The following APP variants were observed in gnomAD, a reference collection of about 807,000 sequenced individuals.
APP encodes the protein amyloid-beta precursor protein.
A neutral mutation model predicts 101.4 loss-of-function variants in APP; 31 were observed. The observed-to-expected ratio is 0.31, with a 90% CI of 0.23 to 0.41. The LOEUF (loss-of-function observed/expected upper bound fraction) is 0.41. APP is among the 10% of genes least tolerant of loss of function. The pLI, the probability that APP is intolerant of heterozygous loss-of-function variation, is 1.00. For missense variants in APP, 839 were observed against 1,003.7 expected (o/e 0.84, Z 2.22); for synonymous variants, 366 against 364.4 (o/e 1.00, Z -0.05).
At chr21:26,128,452 C>T (rs2062727934) in intron 1 of APP, among the ~76,000 whole-genome samples, 1 of 152,144 alleles carries the variant, frequency 6.6e-6, no homozygotes, top group Non-Finnish European at 1.5e-5. Flanking sequence ...TGTTTCTACA[C>T]AGAACTTCTC....
intron 5 of APP, among the ~76,000 whole-genome samples, chr21:26,043,290 C>G (rs1473416166): frequency 1.3e-5 from 2 of 152,022 alleles, no homozygotes; most frequent in African/African-American, 4.8e-5. Context: ...GGCTGAAGTG[C>G]AGTGGTGCGA....
chr21:25,959,660 C>T (rs558354737), intron 11 of APP, among the ~76,000 whole-genome samples: 1 of 152,268 alleles, frequency 6.6e-6, no homozygotes, highest in Admixed American at 6.5e-5. Context: ...TATTCCTTAG[C>T]TAATGCATGA....
intron 17 of APP, among the ~76,000 whole-genome samples, chr21:25,889,662 A>G (rs1396599371): frequency 6.6e-6 from 1 of 152,156 alleles, no homozygotes. Flanking sequence ...CCAACATGGC[A>G]AAACCCTGTC....
chr21:26,014,235 C>T (rs1445825906), intron 6 of APP, among the ~76,000 whole-genome samples: 14 of 152,152 alleles, frequency 9.2e-5, no homozygotes. Flanking sequence ...TCACAGTTTA[C>T]CCCAAGCTTT....
chr21:25,912,172 G>A (rs2039109614), intron 13 of APP, among the ~76,000 whole-genome samples: 1 of 152,196 alleles, frequency 6.6e-6, no homozygotes, highest in South Asian at 2.1e-4. Flanking sequence ...ATGCAAAGTC[G>A]CAGCTCACAA....
chr21:25,955,173 A>T (rs964720290), intron 12 of APP, among the ~76,000 whole-genome samples: 1 of 152,062 alleles, frequency 6.6e-6, no homozygotes, highest in African/African-American at 2.4e-5. Context: ...AAAATGTAAA[A>T]TTTCACATTT....
chr21:26,062,826 G>A lies in APP; in HGVS notation c.356-9478C>T, dbSNP rs1361086027. ...CTCCCAGGCTGGAGTGCAATGGCAC[G>A]ATCACAGCTCACTGCAGCCTTGACT... On this transcript the variant is annotated intron_variant, in intron 3 of 17. Coordinates refer to ENST00000346798, the MANE Select transcript of APP (RefSeq NM_000484.4). 4.6e-5 allele frequency among the ~76,000 whole-genome samples: 7 copies of A among 151,812 alleles called. 1 individual carries two copies. Among genetic ancestry groups the A allele is most frequent in the South Asian group, 4.2e-4 (2 of 4,812 alleles).
chr21:26,028,196 A>G (rs79207205), intron 5 of APP, among the ~76,000 whole-genome samples: 1 of 123,686 alleles, frequency 8.1e-6, no homozygotes, highest in Non-Finnish European at 1.6e-5. Flanking sequence ...AAAAAAAGGA[A>G]TAAATAAATA....
At chr21:25,927,889 A>G (rs2039968280) in intron 13 of APP, among the ~76,000 whole-genome samples, 1 of 152,208 alleles carries the variant, frequency 6.6e-6, no homozygotes. Flanking sequence ...TCAGTAATCA[A>G]GATAAAGACC....
At chr21:26,069,489 C>T (rs528259042) in intron 3 of APP, among the ~76,000 whole-genome samples, 8 of 152,288 alleles carry the variant, frequency 5.3e-5, no homozygotes, top group Admixed American at 2.6e-4. Flanking sequence ...GTTCATTTCC[C>T]TGCCAGCCTG....
intron 3 of APP, among the ~76,000 whole-genome samples, chr21:26,071,678 G>GT (rs768238785): frequency 7.9e-5 from 12 of 152,164 alleles, no homozygotes; most frequent in Non-Finnish European, 1.5e-4. Context: ...CAGAACTGTG[G>GT]TTTTTTGAAG....
chr21:25,911,061 GAAC>G (rs2039046159), intron 14 of APP, among the ~76,000 whole-genome samples: 1 of 152,080 alleles, frequency 6.6e-6, no homozygotes, highest in African/African-American at 2.4e-5. Context: ...ATTCCAGAGG[GAAC>G]AATATACCTC....
chr21:26,021,232 G>A (rs1347980745), intron 6 of APP, among the ~76,000 whole-genome samples: 1 of 152,046 alleles, frequency 6.6e-6, no homozygotes, highest in African/African-American at 2.4e-5. Context: ...ATTTTTAGTA[G>A]AGATGGGTTT....
At chr21:25,967,384 A>G (rs939655871) in intron 11 of APP, among the ~76,000 whole-genome samples, 2 of 152,240 alleles carry the variant, frequency 1.3e-5, no homozygotes, top group African/African-American at 2.4e-5. Flanking sequence ...ACTTCCCTTT[A>G]GAAAATGCAG....
chr21:25,910,454 A>G (rs1049912773), intron 14 of APP, among the ~76,000 whole-genome samples: 3 of 152,144 alleles, frequency 2.0e-5, no homozygotes, highest in Non-Finnish European at 4.4e-5. Context: ...TAAATATGAA[A>G]TCTCCATCAA....
chr21:26,045,101 G>GA (rs951599519), intron 5 of APP, among the ~76,000 whole-genome samples: 1 of 151,676 alleles, frequency 6.6e-6, no homozygotes, highest in Admixed American at 6.6e-5. Flanking sequence ...AGATAATGCA[G>GA]AAAAAAAGGG....
At position 26,075,976 on chromosome 21, in the gene APP, C is replaced by T. The variant is rs192886069; in HGVS notation, c.355+13967G>A. On this transcript the variant is annotated intron_variant, in intron 3 of 17. Transcript: ENST00000346798. Reference sequence around the variant, plus strand: ...TGGCGCGATCTCGGCTCACTGCAATCTCCGCTTCCCGGTTTCAAGTGATTC... The same window carrying T: ...TGGCGCGATCTCGGCTCACTGCAATTTCCGCTTCCCGGTTTCAAGTGATTC... 3.9e-3 allele frequency among the ~76,000 whole-genome samples: 594 copies of T among 152,290 alleles called. 5 individuals are homozygous for T. Among genetic ancestry groups the T allele is most frequent in the Non-Finnish European group, 6.6e-3 (448 of 68,032 alleles).
chr21:26,060,093 T>G (rs181125826), intron 3 of APP, among the ~76,000 whole-genome samples: 1 of 152,254 alleles, frequency 6.6e-6, no homozygotes, highest in Admixed American at 6.5e-5. Context: ...ATCTATCTCA[T>G]CAACCACAGT....
Position 25,880,779 on chromosome 21 carries a change from T to C in APP, c.*891A>G, listed in dbSNP as rs2146189173. 1 of 152,482 alleles carries C rather than the reference T, an allele frequency of 6.6e-6. No homozygotes were observed. Among genetic ancestry groups the C allele is most frequent in the East Asian group, 1.9e-4 (1 of 5,190 alleles). 9.4% of individuals were successfully genotyped at this position (152,482 alleles called of 1,614,324 possible). On this transcript the variant is annotated 3_prime_UTR_variant, in exon 18 of 18. Transcript: ENST00000346798. ...TTCGATTATTTAATGTCTGTAGTCA[T>C]CCTTCAAAGAAAAGTCTTGCCCGGG...
Sources: gnomAD v4.1 joint callset for allele counts (sites outside exome capture counted in the v4.1 genomes callset) on GRCh38, gnomAD v4.1.1 for gene constraint, MANE v1.5 for transcripts, NCBI Gene and HGNC (gene_info 2026-07-23, HGNC 2026-07-21) for gene names.